The following CDH4 variants were observed in gnomAD, a reference collection of about 807,000 sequenced individuals.
CDH4 encodes cadherin-4.
A neutral mutation model predicts 86.0 loss-of-function variants in CDH4; 33 were observed. The ratio of observed to expected loss-of-function variants is 0.38; its 90% CI spans 0.29 to 0.51. The LOEUF is 0.51. CDH4 is among the 20% of genes least tolerant of loss of function. The pLI is 0.86. For missense variants in CDH4, 1,114 were observed against 1,307.4 expected (o/e 0.85, Z 2.28); for synonymous variants, 555 against 549.4 (o/e 1.01, Z -0.14).
intron 2 of CDH4, among the ~76,000 whole-genome samples, chr20:61,258,388 C>A (rs550038365): frequency 2.7e-5 from 4 of 145,562 alleles, no homozygotes; most frequent in Non-Finnish European, 6.0e-5. Flanking sequence ...AATGACTTAA[C>A]GTGACGTCCT....
At chr20:61,686,345 A>G (rs1301158864) in intron 2 of CDH4, among the ~76,000 whole-genome samples, 2 of 152,180 alleles carry the variant, frequency 1.3e-5, no homozygotes, top group Non-Finnish European at 2.9e-5. Flanking sequence ...CTGTGCGTGT[A>G]TATGTGTGTA....
In CDH4 at chr20:61,873,762, TGAC is replaced by T; in HGVS notation, c.916_918del (p.Asp306del). On this transcript the variant is annotated inframe_deletion, in exon 7 of 16. Transcript: ENST00000614565. ...TGATGACCGTCACGGCCAACGATGC[TGAC>T]GACAGCACCACGGCCAACGGGATGG... The T allele has an allele frequency of 6.2e-7, 1 of 1,613,870 alleles. No homozygotes were observed. The highest frequency in any genetic ancestry group is 8.5e-7 in the Non-Finnish European group (1 of 1,180,028).
chr20:61,774,567 G>T (rs536002098), intron 4 of CDH4, among the ~76,000 whole-genome samples: 3 of 152,296 alleles, frequency 2.0e-5, no homozygotes, highest in Non-Finnish European at 4.4e-5. Context: ...GGATGTGCAG[G>T]TTTGTTACCT....
chr20:61,742,880 A>G (rs1243343440), intron 2 of CDH4, among the ~76,000 whole-genome samples: 2 of 152,212 alleles, frequency 1.3e-5, no homozygotes, highest in African/African-American at 2.4e-5. Flanking sequence ...AGCGGTATCA[A>G]TAGACTGTCT....
At chr20:61,714,547 T>C (rs11906670) in intron 2 of CDH4, among the ~76,000 whole-genome samples, 17,667 of 152,130 alleles carry the variant, frequency 0.12, 1,474 homozygotes, top group South Asian at 0.35. Context: ...GTTTTTAATC[T>C]CTCGCTACCC....
At chr20:61,477,968 T>G (rs1208927677) in intron 2 of CDH4, among the ~76,000 whole-genome samples, 1 of 152,206 alleles carries the variant, frequency 6.6e-6, no homozygotes, top group African/African-American at 2.4e-5. Context: ...TTGTGGAAAG[T>G]AAGACACCAA....
intron 7 of CDH4, among the ~76,000 whole-genome samples, chr20:61,875,010 T>C (rs1288159545): frequency 6.6e-6 from 1 of 152,184 alleles, no homozygotes; most frequent in Non-Finnish European, 1.5e-5. Flanking sequence ...GGGACCCCAC[T>C]GCAAGCTGGG....
chr20:61,431,352 T>C (rs2085245314), intron 2 of CDH4, among the ~76,000 whole-genome samples: 2 of 149,496 alleles, frequency 1.3e-5, no homozygotes, highest in Admixed American at 6.7e-5. Flanking sequence ...CTCTCTTTTT[T>C]TTGTTGGTTT....
chr20:61,466,142 A>G (rs2085470450), intron 2 of CDH4, among the ~76,000 whole-genome samples: 1 of 152,194 alleles, frequency 6.6e-6, no homozygotes, highest in South Asian at 2.1e-4. Flanking sequence ...CTGCCCTTGT[A>G]CCACAACAGC....
chr20:61,707,734 G>A (rs2087847262), intron 2 of CDH4, among the ~76,000 whole-genome samples: 2 of 152,112 alleles, frequency 1.3e-5, no homozygotes, highest in African/African-American at 2.4e-5. Flanking sequence ...GTCCCACCTC[G>A]GATCATCAGG....
chr20:61,773,636 C>T (rs1007147910), intron 4 of CDH4, among the ~76,000 whole-genome samples: 3 of 152,188 alleles, frequency 2.0e-5, no homozygotes, highest in African/African-American at 7.2e-5. Flanking sequence ...CAAGGCCACC[C>T]GAGATTGCTT....
intron 2 of CDH4, among the ~76,000 whole-genome samples, chr20:61,273,165 TGGG>T (rs1191698135): frequency 2.4e-5 from 2 of 82,880 alleles, no homozygotes; most frequent in African/African-American, 9.9e-5. Flanking sequence ...GGGGGAGTAT[TGGG>T]GGAGTACCAT....
At chr20:61,391,476 G>A (rs2084985441) in intron 2 of CDH4, among the ~76,000 whole-genome samples, 1 of 152,128 alleles carries the variant, frequency 6.6e-6, no homozygotes. Context: ...AAGGGACATC[G>A]CCAGGGCTAG....
chr20:61,653,572 C>CCT (rs2145819907), intron 2 of CDH4, among the ~76,000 whole-genome samples: 1 of 142,936 alleles, frequency 7.0e-6, no homozygotes, highest in East Asian at 2.1e-4. Flanking sequence ...GGGCTGACCC[C>CCT]CACCTCCCTC....
At chr20:61,283,581 T>C (rs540033504) in intron 2 of CDH4, among the ~76,000 whole-genome samples, 1 of 150,342 alleles carries the variant, frequency 6.7e-6, no homozygotes, top group South Asian at 2.1e-4. Context: ...TTTGCACGTG[T>C]GTGCTGTGGT....
intron 6 of CDH4, among the ~76,000 whole-genome samples, chr20:61,861,444 A>C (rs1983317974): frequency 6.6e-6 from 1 of 152,218 alleles, no homozygotes; most frequent in Admixed American, 6.5e-5. Flanking sequence ...AAAGACCCAC[A>C]GCAGCTGGGA....
chr20:61,856,627 T>C (rs1025719689), intron 6 of CDH4, among the ~76,000 whole-genome samples: 1 of 105,404 alleles, frequency 9.5e-6, no homozygotes, highest in African/African-American at 3.2e-5. Flanking sequence ...TACCCCCACA[T>C]TCTTCCCCAG....
At chr20:61,609,451 T>C (rs935572082) in intron 2 of CDH4, among the ~76,000 whole-genome samples, 4 of 152,030 alleles carry the variant, frequency 2.6e-5, no homozygotes, top group Admixed American at 1.3e-4. Context: ...TTCTTTCCAG[T>C]GTGTGTGTGT....
At chr20:61,873,331 A>G (rs1983884100) in intron 6 of CDH4, among the ~76,000 whole-genome samples, 1 of 152,100 alleles carries the variant, frequency 6.6e-6, no homozygotes, top group South Asian at 2.1e-4. Context: ...AAGCCCAACC[A>G]CACTGGGCTC....
Sources: gnomAD v4.1 joint callset for allele counts (sites outside exome capture counted in the v4.1 genomes callset) on GRCh38, gnomAD v4.1.1 for gene constraint, MANE v1.5 for transcripts, NCBI Gene and HGNC (gene_info 2026-07-23, HGNC 2026-07-21) for gene names.